Variants in IL1RAPL2 observed in about 807,000 individuals in gnomAD.
IL1RAPL2 encodes interleukin 1 receptor accessory protein like 2, also known as X-linked interleukin-1 receptor accessory protein-like 2.
IL1RAPL2 carries 3 observed loss-of-function variants against 44.1 expected under a neutral mutation model. That is an observed-to-expected ratio of 0.07 (90% CI 0.03 to 0.18). The LOEUF is 0.18. IL1RAPL2 is among the 10% of genes least tolerant of loss of function. IL1RAPL2 has a pLI of 1.00. For synonymous variants in IL1RAPL2, 181 were observed against 178.8 expected (o/e 1.01, Z -0.10); for missense variants, 391 against 496.4 (o/e 0.79, Z 2.02).
At chrX:105,697,777 A>G (rs781761538) in intron 6 of IL1RAPL2, among the ~76,000 whole-genome samples, 1 of 111,950 alleles carries the variant, frequency 8.9e-6, no homozygotes, top group Non-Finnish European at 1.9e-5. Context: ...TGAGTTGTGT[A>G]CAAATGCTGT....
chrX:105,510,384 A>G lies in IL1RAPL2; in HGVS notation c.772+25997A>G, dbSNP rs181321871. Among the ~76,000 whole-genome samples the G allele has an allele frequency of 7.2e-5, 8 of 110,893 alleles. No individual in the cohort carries two copies. The East Asian group carries it at 2.3e-3, about 32-fold the overall frequency. On this transcript the variant is annotated intron_variant, in intron 6 of 10. Coordinates refer to ENST00000372582, the MANE Select transcript of IL1RAPL2 (RefSeq NM_017416.2). ...TGTATGTACTGTATCCATGTTTGTT[A>G]TATTCACCAACATCTCACTGAGCAC...
Position 104,932,970 on chromosome X carries a change from A to G in IL1RAPL2, c.83-262505A>G, listed in dbSNP as rs759545850. 8.6e-4 allele frequency among the ~76,000 whole-genome samples: 96 copies of G among 111,927 alleles called. 1 individual carries two copies. Among genetic ancestry groups the G allele is most frequent in the African/African-American group, 2.9e-3 (89 of 30,810 alleles). Reference sequence around the variant, plus strand: ...ACACAGCCAATCTTGAATTTCCACTAAAGTATCTATGAAGACATAGAAAAA... The same window carrying G: ...ACACAGCCAATCTTGAATTTCCACTGAAGTATCTATGAAGACATAGAAAAA... On this transcript the variant is annotated intron_variant, in intron 2 of 10. Transcript: ENST00000372582.
At chrX:105,717,190 T>C (rs1474304008) in intron 6 of IL1RAPL2, among the ~76,000 whole-genome samples, 177 bp from the exon 7 acceptor site, 1 of 112,323 alleles carries the variant, frequency 8.9e-6, no homozygotes, top group Non-Finnish European at 1.9e-5. Context: ...TTTAAGTTTT[T>C]TTCTAGAAGC....
At chrX:104,608,536 T>C (rs1204156736) in intron 1 of IL1RAPL2, among the ~76,000 whole-genome samples, 3 of 111,168 alleles carry the variant, frequency 2.7e-5, no homozygotes, top group African/African-American at 9.8e-5. Flanking sequence ...GGTGCATATA[T>C]ATTTAGGATA....
chrX:105,694,330 G>A (rs1261599436), intron 6 of IL1RAPL2, among the ~76,000 whole-genome samples: 2 of 111,797 alleles, frequency 1.8e-5, no homozygotes, highest in African/African-American at 3.3e-5. Flanking sequence ...AGGACTTTAA[G>A]GTGCTATAGG....
chrX:105,616,946 G>C (rs1924562332), intron 6 of IL1RAPL2, among the ~76,000 whole-genome samples: 1 of 109,769 alleles, frequency 9.1e-6, no homozygotes, highest in African/African-American at 3.3e-5. Flanking sequence ...ACTTAATCTA[G>C]TGGCACTACC....
chrX:105,121,942 G>C (rs1017169617), intron 2 of IL1RAPL2, among the ~76,000 whole-genome samples: 10 of 110,640 alleles, frequency 9.0e-5, no homozygotes, highest in Non-Finnish European at 1.7e-4. Context: ...GTTTCCAATA[G>C]CACTCAGAAA....
chrX:105,119,025 T>C (rs2032893277), intron 2 of IL1RAPL2, among the ~76,000 whole-genome samples: 1 of 111,572 alleles, frequency 9.0e-6, no homozygotes, highest in Admixed American at 9.5e-5. Flanking sequence ...AAAACCAGGC[T>C]CAGTGCAGTT....
At chrX:105,340,082 C>T (rs1211932238) in intron 5 of IL1RAPL2, among the ~76,000 whole-genome samples, 1 of 111,551 alleles carries the variant, frequency 9.0e-6, no homozygotes, top group African/African-American at 3.3e-5. Context: ...CTGTATCTAT[C>T]CAACTAGTAA....
chrX:105,063,098 T>C (rs1281072487), intron 2 of IL1RAPL2, among the ~76,000 whole-genome samples: 1 of 111,229 alleles, frequency 9.0e-6, no homozygotes, highest in African/African-American at 3.3e-5. Flanking sequence ...ATTTTCTAGA[T>C]CTTGGAGGCA....
intron 2 of IL1RAPL2, among the ~76,000 whole-genome samples, chrX:104,699,146 G>T (rs1372854725): frequency 8.9e-6 from 1 of 111,741 alleles, no homozygotes; most frequent in East Asian, 2.8e-4. Context: ...GACTGGTTTT[G>T]TGGAAGACAA....
At chrX:105,555,521 G>A (rs993160704) in intron 6 of IL1RAPL2, among the ~76,000 whole-genome samples, 2 of 112,063 alleles carry the variant, frequency 1.8e-5, no homozygotes, top group African/African-American at 3.2e-5. Context: ...GAAGTTCTAA[G>A]AAGTCCTTCT....
chrX:105,614,895 C>T (rs1044017298), intron 6 of IL1RAPL2, among the ~76,000 whole-genome samples: 6 of 110,930 alleles, frequency 5.4e-5, no homozygotes, highest in Admixed American at 2.9e-4. Context: ...AGAGACAGCA[C>T]GTAGAATGGG....
intron 9 of IL1RAPL2, among the ~76,000 whole-genome samples, chrX:105,752,698 T>G (rs1162720541): frequency 1.8e-5 from 2 of 112,526 alleles, no homozygotes; most frequent in Non-Finnish European, 3.8e-5. Context: ...TTGCTTTATC[T>G]ATCTTGCTCC....
At chrX:104,947,721 A>C (rs1348077445) in intron 2 of IL1RAPL2, among the ~76,000 whole-genome samples, 1 of 111,530 alleles carries the variant, frequency 9.0e-6, no homozygotes, top group Non-Finnish European at 1.9e-5. Context: ...AAGATCAGAC[A>C]GTTGTAGATA....
chrX:105,256,315 T>C (rs2034314137), intron 4 of IL1RAPL2, among the ~76,000 whole-genome samples: 1 of 107,803 alleles, frequency 9.3e-6, no homozygotes, highest in Admixed American at 1.0e-4. Context: ...GGCTATTTAT[T>C]ATTGACACAA....
chrX:104,653,548 G>A (rs1226243037), intron 1 of IL1RAPL2, among the ~76,000 whole-genome samples: 2 of 111,201 alleles, frequency 1.8e-5, no homozygotes, highest in African/African-American at 6.5e-5. Flanking sequence ...CTCCTTTCCA[G>A]GTTCCTTTGT....
intron 2 of IL1RAPL2, among the ~76,000 whole-genome samples, chrX:105,175,203 A>T (rs1178295602): frequency 9.0e-6 from 1 of 111,419 alleles, no homozygotes; most frequent in Non-Finnish European, 1.9e-5. Flanking sequence ...TAAATCACTT[A>T]AACTTGACAA....
intron 6 of IL1RAPL2, among the ~76,000 whole-genome samples, chrX:105,646,189 T>C (rs1212791720): frequency 9.0e-6 from 1 of 111,455 alleles, no homozygotes; most frequent in Non-Finnish European, 1.9e-5. Context: ...AATTACATCA[T>C]AGCAATTGGC....
Sources: allele counts gnomAD v4.1 joint callset (sites outside exome capture counted in the v4.1 genomes callset), GRCh38; gene constraint gnomAD v4.1.1; transcripts MANE v1.5; gene names NCBI Gene and HGNC (gene_info 2026-07-23, HGNC 2026-07-21).